TCERG1L: variants seen among roughly 807,000 people sequenced by gnomAD.
The protein encoded by TCERG1L is transcription elongation regulator 1-like protein.
TCERG1L carries 37 observed loss-of-function variants against 56.3 expected under a neutral mutation model. The observed-to-expected ratio is 0.66, with a 90% CI of 0.51 to 0.87. The LOEUF is 0.87. TCERG1L is among the 40% of genes least tolerant of loss of function. The probability of loss-of-function intolerance (pLI) is 0.00; values close to 1 mark genes in which losing one functional copy is unlikely to be tolerated. For synonymous variants in TCERG1L, 324 were observed against 326.3 expected (o/e 0.99, Z 0.08); for missense variants, 799 against 774.2 (o/e 1.03, Z -0.38).
intron 3 of TCERG1L, among the ~76,000 whole-genome samples, chr10:131,284,804 A>G (rs1244145511): frequency 6.6e-6 from 1 of 152,096 alleles, no homozygotes; most frequent in Non-Finnish European, 1.5e-5. Context: ...TAAATTCTAG[A>G]AGAAAAATAT....
intron 3 of TCERG1L, among the ~76,000 whole-genome samples, chr10:131,299,804 A>G (rs1484053063): frequency 6.6e-6 from 1 of 152,156 alleles, no homozygotes; most frequent in Non-Finnish European, 1.5e-5. Flanking sequence ...TAGCCTTACA[A>G]TTCCACACTT....
At chr10:131,155,096 T>C (rs566273701) in intron 6 of TCERG1L, among the ~76,000 whole-genome samples, 1 of 151,670 alleles carries the variant, frequency 6.6e-6, no homozygotes, top group Non-Finnish European at 1.5e-5. Flanking sequence ...GAGGAAAGAG[T>C]GCCAGGGAGA....
rs60342611 is a variant in TCERG1L at position 131,282,646 on chromosome 10, C to T, written c.671-22202G>A. Among the ~76,000 whole-genome samples the T allele has an allele frequency of 2.8e-4, 42 of 152,292 alleles. No individual in the cohort carries two copies. The East Asian group carries it at 7.3e-3, about 27-fold the overall frequency. The stretch of plus-strand genomic sequence containing the variant: ...CTGCTTTGTTCACACCTCTATCCCC[C>T]CAGCACATATACCAGTACATGCTAC... On this transcript the variant is annotated intron_variant, in intron 3 of 11. Coordinates refer to ENST00000368642, the MANE Select transcript of TCERG1L (RefSeq NM_174937.4).
intron 10 of TCERG1L, among the ~76,000 whole-genome samples, chr10:131,099,922 G>A (rs940771373): frequency 5.9e-5 from 9 of 151,762 alleles, no homozygotes; most frequent in African/African-American, 2.2e-4. Context: ...GGAGTGCAAT[G>A]GCATCACCTT....
At chr10:131,200,034 A>C (rs911731047) in intron 4 of TCERG1L, among the ~76,000 whole-genome samples, 1 of 151,588 alleles carries the variant, frequency 6.6e-6, no homozygotes, top group African/African-American at 2.4e-5. Context: ...CATCTATATC[A>C]CTACTTTTCC....
intron 4 of TCERG1L, among the ~76,000 whole-genome samples, chr10:131,254,688 T>C (rs964062787): frequency 3.9e-5 from 6 of 152,016 alleles, no homozygotes; most frequent in East Asian, 3.9e-4. Context: ...AGGACGGCAG[T>C]GCCGAGGGGC....
At chr10:131,136,080 G>A (rs114674014) in intron 7 of TCERG1L, among the ~76,000 whole-genome samples, 1,696 of 152,312 alleles carry the variant, frequency 0.011, 38 homozygotes, top group African/African-American at 0.039. Context: ...GCCTCCAGAA[G>A]TTCCCAAATG....
chr10:131,214,099 T>C (rs1416114780), intron 4 of TCERG1L, among the ~76,000 whole-genome samples: 1 of 152,184 alleles, frequency 6.6e-6, no homozygotes, highest in Non-Finnish European at 1.5e-5. Context: ...CAGTCATTTA[T>C]GAATTCACAA....
At chr10:131,119,849 C>G (rs371394948) in intron 8 of TCERG1L, among the ~76,000 whole-genome samples, 1 of 152,174 alleles carries the variant, frequency 6.6e-6, no homozygotes, top group African/African-American at 2.4e-5. Flanking sequence ...GGCTGCGAGC[C>G]AGGGAGGTAG....
chr10:131,181,997 C>A (rs745506502), intron 4 of TCERG1L, among the ~76,000 whole-genome samples: 2 of 152,180 alleles, frequency 1.3e-5, no homozygotes, highest in Non-Finnish European at 2.9e-5. Context: ...TGTGTGTGTG[C>A]ACATAGCACA....
chr10:131,266,558 G>C (rs556137385), intron 3 of TCERG1L, among the ~76,000 whole-genome samples: 4 of 152,312 alleles, frequency 2.6e-5, no homozygotes, highest in African/African-American at 9.6e-5. Context: ...AAAGAATGAG[G>C]TACACAGACA....
chr10:131,209,268 A>G (rs1162309253), intron 4 of TCERG1L, among the ~76,000 whole-genome samples: 1 of 150,094 alleles, frequency 6.7e-6, no homozygotes, highest in East Asian at 2.1e-4. Context: ...CAAGCATTTC[A>G]GATCAGGGAA....
intron 4 of TCERG1L, among the ~76,000 whole-genome samples, chr10:131,183,104 C>T (rs905657777): frequency 1.3e-5 from 2 of 152,164 alleles, no homozygotes; most frequent in African/African-American, 4.8e-5. Context: ...GCCCCGAATA[C>T]ACACAAAATG....
intron 3 of TCERG1L, among the ~76,000 whole-genome samples, chr10:131,272,311 C>A (rs186352478): frequency 3.9e-5 from 6 of 152,220 alleles, no homozygotes. Context: ...AGGACACGTG[C>A]GTTTGAACTG....
In TCERG1L at chr10:131,226,840, G is replaced by A. The variant is rs190095847; in HGVS notation, c.856+33419C>T. ...GACAGATAAAGTGCTGTATTTTCATGTTTGTGTAGAACTTGGAGGAAAACG... is the reference window on the plus strand; with the variant it reads ...GACAGATAAAGTGCTGTATTTTCATATTTGTGTAGAACTTGGAGGAAAACG... On this transcript the variant is annotated intron_variant, in intron 4 of 11. Coordinates refer to ENST00000368642, the MANE Select transcript of TCERG1L (RefSeq NM_174937.4). Among the ~76,000 whole-genome samples, 364 of 152,388 alleles carry A rather than the reference G, an allele frequency of 2.4e-3. 1 individual carries two copies. Among genetic ancestry groups the A allele is most frequent in the African/African-American group, 8.4e-3 (350 of 41,604 alleles).
chr10:131,173,124 C>A (rs1846110515), intron 4 of TCERG1L, among the ~76,000 whole-genome samples: 1 of 152,074 alleles, frequency 6.6e-6, no homozygotes, highest in African/African-American at 2.4e-5. Flanking sequence ...CTCCTGACCT[C>A]AGGTGATCCA....
chr10:131,142,197 A>G (rs1845746118), intron 7 of TCERG1L, among the ~76,000 whole-genome samples: 1 of 152,218 alleles, frequency 6.6e-6, no homozygotes, highest in South Asian at 2.1e-4. Context: ...GATTTCTCCC[A>G]GAGAGCCTGG....
chr10:131,092,982 CAA>C lies in TCERG1L; in HGVS notation c.*178_*179del. 1 of 580,204 alleles carries C rather than the reference CAA, an allele frequency of 1.7e-6. No individual in the cohort carries two copies. Among genetic ancestry groups the C allele is most frequent in the Non-Finnish European group, 3.0e-6 (1 of 336,234 alleles). The allele number at this position is 580,204 out of a possible 1,614,324, so 35.9% of individuals were successfully genotyped here. Reference sequence around the variant, plus strand: ...AGAAATGCATCAAACTCTGAATGTACAAAAGAGAGAGCTTCAATATGAAACAG... The same window carrying C: ...AGAAATGCATCAAACTCTGAATGTACAAGAGAGAGCTTCAATATGAAACAG... On this transcript the variant is annotated 3_prime_UTR_variant, in exon 12 of 12. Coordinates refer to ENST00000368642, the MANE Select transcript of TCERG1L (RefSeq NM_174937.4).
At chr10:131,165,330 T>C (rs12411763) in intron 5 of TCERG1L, among the ~76,000 whole-genome samples, 25,859 of 152,224 alleles carry the variant, frequency 0.17, 2,751 homozygotes, top group East Asian at 0.33. Flanking sequence ...TCGAACATCA[T>C]GCAAGGGACT....
Sources: allele counts gnomAD v4.1 joint callset (sites outside exome capture counted in the v4.1 genomes callset), GRCh38; gene constraint gnomAD v4.1.1; transcripts MANE v1.5; gene names NCBI Gene and HGNC (gene_info 2026-07-23, HGNC 2026-07-21).